Variants in PIK3R3 observed in about 807,000 individuals in gnomAD.
The protein encoded by PIK3R3 is phosphatidylinositol 3-kinase regulatory subunit gamma.
PIK3R3 carries 64 observed loss-of-function variants against 62.9 expected under a neutral mutation model. The observed-to-expected ratio is 1.02, with a 90% CI of 0.83 to 1.25. PIK3R3 has a LOEUF of 1.25. Ranked by LOEUF, PIK3R3 falls within the 50% of genes most tolerant of loss-of-function variation. The pLI, the probability that PIK3R3 is intolerant of heterozygous loss-of-function variation, is 0.00. For synonymous variants in PIK3R3, 165 were observed against 189.0 expected, an observed-to-expected ratio of 0.87 and a Z score of 1.04; for missense variants, 614 against 561.6, an observed-to-expected ratio of 1.09 and a Z score of -0.94.
chr1:46,127,359 A>G (rs1351903011), intron 1 of PIK3R3, among the ~76,000 whole-genome samples: 8 of 133,526 alleles, frequency 6.0e-5, no homozygotes. Context: ...AAAAAAAAAT[A>G]TATATATATA....
chr1:46,142,731 A>T, the PIK3R3 span, among the ~76,000 whole-genome samples: 3 of 151,992 alleles, frequency 2.0e-5, no homozygotes, highest in Admixed American at 6.6e-5. Context: ...AAAAAAAAGA[A>T]AGTAATTGCA....
chr1:46,156,843 C>T, the PIK3R3 span, among the ~76,000 whole-genome samples: 20 of 152,320 alleles, frequency 1.3e-4, no homozygotes, highest in East Asian at 3.9e-3. Flanking sequence ...CATGCCTCAA[C>T]TCCACTTGGA....
chr1:46,075,114 T>C (rs1379639940), intron 3 of PIK3R3, among the ~76,000 whole-genome samples: 1 of 152,158 alleles, frequency 6.6e-6, no homozygotes, highest in African/African-American at 2.4e-5. Flanking sequence ...AAATACAGGG[T>C]TGCCAAGTTC....
chr1:46,041,087 A>C lies in PIK3R3; in HGVS notation c.*2586T>G, dbSNP rs1382253946. 3 of 156,500 alleles carry C rather than the reference A, an allele frequency of 1.9e-5. No homozygotes were observed. The highest frequency in any genetic ancestry group is 4.2e-5 in the Non-Finnish European group (3 of 70,626). 9.7% of individuals were successfully genotyped at this position (156,500 alleles called of 1,614,324 possible). On this transcript the variant is annotated 3_prime_UTR_variant, in exon 10 of 10. Coordinates refer to ENST00000262741, the MANE Select transcript of PIK3R3 (RefSeq NM_003629.4). ...CCTCTGCCTCATTGAAACTGCAGTT[A>C]AGATGCCAAGACAGTCCCAGGGTCC...
At chr1:46,156,245 G>A in the PIK3R3 span, among the ~76,000 whole-genome samples, 1 of 151,008 alleles carries the variant, frequency 6.6e-6, no homozygotes. Flanking sequence ...AAAATTTCCT[G>A]TTTAAAAAAA....
the PIK3R3 span, among the ~76,000 whole-genome samples, chr1:46,167,363 G>A: frequency 1.3e-5 from 2 of 152,222 alleles, no homozygotes; most frequent in African/African-American, 2.4e-5. Context: ...CAGTGGGGAG[G>A]AAGCTACTGC....
At position 46,132,582 on chromosome 1, in the gene PIK3R3, G is replaced by C. The variant is rs1362265477; in HGVS notation, c.-630C>G. ...TCGGCTTGTCTGGGCGCTCCCGCCG[G>C]GGTGTAAGAACCAACCCGACCGCAC... On this transcript the variant is annotated 5_prime_UTR_variant, in exon 1 of 10. Coordinates refer to ENST00000262741, the MANE Select transcript of PIK3R3 (RefSeq NM_003629.4). 7.8e-7 allele frequency: 1 copy of C among 1,287,502 alleles called. No homozygotes were observed. Among genetic ancestry groups the C allele is most frequent in the East Asian group, 5.6e-5 (1 of 17,976 alleles). The allele number at this position is 1,287,502 out of a possible 1,614,324, so 79.8% of individuals were successfully genotyped here.
chr1:46,169,573 G>C, the PIK3R3 span, among the ~76,000 whole-genome samples: 1 of 152,176 alleles, frequency 6.6e-6, no homozygotes, highest in African/African-American at 2.4e-5. Context: ...AAGGAGATTT[G>C]AGGCCCAGAG....
chr1:46,162,154 T>C, the PIK3R3 span, among the ~76,000 whole-genome samples: 1 of 149,800 alleles, frequency 6.7e-6, no homozygotes, highest in Admixed American at 6.7e-5. Flanking sequence ...TTAGAAACAA[T>C]TTATACGTCT....
chr1:46,043,401 A>T lies in PIK3R3; in HGVS notation c.*272T>A, dbSNP rs1236428754. 4.3e-6 allele frequency: 2 copies of T among 466,642 alleles called. No homozygotes were observed. Among genetic ancestry groups the T allele is most frequent in the East Asian group, 7.5e-5 (2 of 26,578 alleles). 28.9% of individuals were successfully genotyped at this position (466,642 alleles called of 1,614,324 possible). A position where few individuals can be genotyped will look rare whatever the true frequency, so the allele number is the denominator to read the frequency against. The stretch of plus-strand genomic sequence containing the variant: ...ATATTCTGTTGAGGGTGTCTGGCTA[A>T]ACAAAACAAAAACCCCAATGAAACA... On this transcript the variant is annotated 3_prime_UTR_variant, in exon 10 of 10. Coordinates refer to ENST00000262741, the MANE Select transcript of PIK3R3 (RefSeq NM_003629.4).
chr1:46,081,366 C>T (rs570548123), intron 1 of PIK3R3, among the ~76,000 whole-genome samples: 2 of 152,244 alleles, frequency 1.3e-5, no homozygotes, highest in Admixed American at 6.5e-5. Flanking sequence ...CCCCGGGCTG[C>T]GGACTGGCAC....
the PIK3R3 span, among the ~76,000 whole-genome samples, chr1:46,164,769 T>C: frequency 1.3e-5 from 2 of 152,126 alleles, no homozygotes; most frequent in Admixed American, 1.3e-4. Context: ...CTGTCCTGGC[T>C]CTTACCTACC....
chr1:46,132,156 A>C lies in PIK3R3; in HGVS notation c.-204T>G. The C allele has an allele frequency of 7.4e-7, 1 of 1,346,580 alleles. No homozygotes were observed. The highest frequency in any genetic ancestry group is 9.5e-7 in the Non-Finnish European group (1 of 1,047,254). The allele number at this position is 1,346,580 out of a possible 1,614,324, so 83.4% of individuals were successfully genotyped here. On this transcript the variant is annotated 5_prime_UTR_variant, in exon 1 of 10. Coordinates refer to ENST00000262741, the MANE Select transcript of PIK3R3 (RefSeq NM_003629.4). ...ACAGAACACAACAAAATGCCCCCGA[A>C]CTTTCAAGCTATGGGCTTTTCTCCT...
At chr1:46,156,293 CT>C in the PIK3R3 span, among the ~76,000 whole-genome samples, 1 of 151,814 alleles carries the variant, frequency 6.6e-6, no homozygotes, top group Non-Finnish European at 1.5e-5. Flanking sequence ...AACCCCGTCT[CT>C]ACTAAAAATA....
chr1:46,119,728 T>C (rs544067923), intron 1 of PIK3R3, among the ~76,000 whole-genome samples: 3 of 152,088 alleles, frequency 2.0e-5, no homozygotes, highest in South Asian at 2.1e-4. Context: ...CTTGGCCTTG[T>C]AAGTAGCTGA....
chr1:46,087,268 T>TA (rs1248036425), intron 1 of PIK3R3, among the ~76,000 whole-genome samples: 6 of 141,212 alleles, frequency 4.2e-5, no homozygotes, highest in African/African-American at 1.3e-4. Flanking sequence ...AGTATAATAA[T>TA]AAAAAAAAGA....
chr1:46,070,545 T>C (rs1018192099), intron 3 of PIK3R3, among the ~76,000 whole-genome samples: 1 of 152,166 alleles, frequency 6.6e-6, no homozygotes, highest in Non-Finnish European at 1.5e-5. Flanking sequence ...GATGAATGCA[T>C]TGTGGAAATG....
At position 46,107,137 on chromosome 1, in the gene PIK3R3, C is replaced by G. The variant is rs1653290447; in HGVS notation, c.106+24710G>C. 2.6e-5 allele frequency among the ~76,000 whole-genome samples: 4 copies of G among 152,100 alleles called. 1 individual carries two copies. In the South Asian group the frequency reaches 8.3e-4, roughly 32 times the overall value. Reference sequence around the variant, plus strand: ...TTGGGAGGCCAAGGCGAGTGGATCACTTGAGGTCAGGAATTCCAGACCGGC... The same window carrying G: ...TTGGGAGGCCAAGGCGAGTGGATCAGTTGAGGTCAGGAATTCCAGACCGGC... On this transcript the variant is annotated intron_variant, in intron 1 of 9. Coordinates refer to ENST00000262741, the MANE Select transcript of PIK3R3 (RefSeq NM_003629.4).
At position 46,074,549 on chromosome 1, in the gene PIK3R3, G is replaced by C. The variant is rs1237303383; in HGVS notation, c.314+2966C>G. Among the ~76,000 whole-genome samples the C allele has an allele frequency of 2.0e-5, 3 of 151,990 alleles. No individual in the cohort carries two copies. The East Asian group carries it at 5.8e-4, about 29-fold the overall frequency. On this transcript the variant is annotated intron_variant, in intron 3 of 9. Coordinates refer to ENST00000262741, the MANE Select transcript of PIK3R3 (RefSeq NM_003629.4). ...TAGCTATAGGTCTAGAAGCAAAGAG[G>C]TGTGGTGGGGGTGGGTCCTGAGAAG...
Sources: allele counts gnomAD v4.1 joint callset (sites outside exome capture counted in the v4.1 genomes callset), GRCh38; gene constraint gnomAD v4.1.1; transcripts MANE v1.5; gene names NCBI Gene and HGNC (gene_info 2026-07-23, HGNC 2026-07-21).